DOP1B: variants seen among roughly 807,000 people sequenced by gnomAD.
The protein encoded by DOP1B is protein DOP1B.
A neutral mutation model predicts 233.5 loss-of-function variants in DOP1B; 174 were observed. The observed-to-expected ratio is 0.75, with a 90% CI of 0.66 to 0.85. The LOEUF (loss-of-function observed/expected upper bound fraction) is 0.85. Among genes scored for constraint, DOP1B ranks in the 40% least tolerant of loss-of-function variants. The pLI is 0.00. For missense variants in DOP1B, 2,652 were observed against 2,846.6 expected (o/e 0.93, Z 1.56); for synonymous variants, 1,190 against 1,185.6 (o/e 1.00, Z -0.08).
chr21:36,236,888 G>T (rs186195920), intron 15 of DOP1B, among the ~76,000 whole-genome samples: 6 of 147,966 alleles, frequency 4.1e-5, no homozygotes, highest in Admixed American at 3.5e-4. Flanking sequence ...GGATTCAAGT[G>T]ATTCTCCTGC....
chr21:36,209,163 C>T lies in DOP1B; in HGVS notation c.681+259C>T, dbSNP rs560855259. Reference sequence around the variant, plus strand: ...TTGAGACGGAGTCTCGCTCTGTCGCCGAGGCTGGGGTGCAGTGGCACAACC... The same window carrying T: ...TTGAGACGGAGTCTCGCTCTGTCGCTGAGGCTGGGGTGCAGTGGCACAACC... On this transcript the variant is annotated intron_variant, in intron 5 of 36. Transcript: ENST00000691173. Among the ~76,000 whole-genome samples, 10 of 152,256 alleles carry T rather than the reference C, an allele frequency of 6.6e-5. No homozygotes were observed. In the South Asian group the frequency reaches 1.0e-3, roughly 16 times the overall value.
chr21:36,212,901 C>T (rs2066516232), intron 7 of DOP1B, among the ~76,000 whole-genome samples: 1 of 152,196 alleles, frequency 6.6e-6, no homozygotes, highest in Non-Finnish European at 1.5e-5. Context: ...CCTGCCTCAG[C>T]CTCCCAAGTA....
At chr21:36,220,792 G>A (rs761344559) in intron 10 of DOP1B, among the ~76,000 whole-genome samples, 1 of 150,190 alleles carries the variant, frequency 6.7e-6, no homozygotes. Flanking sequence ...GGTGTGAGCC[G>A]CCATGCCTGG....
rs750730233 is a variant in DOP1B at position 36,200,505 on chromosome 21, C to A, written c.491+4C>A. ...AGGGCTCCGAGATCTCCGACAGGTG[C>A]GTGGGCGTCTTGTCCAGGCTGTGTT... is the stretch of plus-strand genomic sequence containing the variant. On this transcript the variant is annotated splice_donor_region_variant and intron_variant, in intron 4 of 36. Transcript: ENST00000691173. 6 of 1,600,136 alleles carry A rather than the reference C, an allele frequency of 3.7e-6. No homozygotes were observed. The East Asian group carries it at 1.3e-4, about 36-fold the overall frequency.
At chr21:36,176,903 C>T (rs1297378631) in intron 2 of DOP1B, among the ~76,000 whole-genome samples, 1 of 152,150 alleles carries the variant, frequency 6.6e-6, no homozygotes, top group Non-Finnish European at 1.5e-5. Flanking sequence ...ACTACAACCT[C>T]CACCTCCCAG....
chr21:36,211,617 T>C lies in DOP1B; in HGVS notation c.746T>C (p.Ile249Thr), dbSNP rs752546271. Residue 249 changes from isoleucine (I) to threonine (T), a missense_variant, in exon 6 of 37, where the codon ATC becomes ACC. Around this residue, in one of 3 missense-constraint regions of DOP1B, gnomAD observed 2,617 missense variants for 2,794.3 expected, o/e 0.94. Coordinates refer to ENST00000691173, the MANE Select transcript of DOP1B (RefSeq NM_001320714.2). ...NVLVQRNNLE[I>T]VLFFFPFYTC... ...CTTGTGCAAAGAAATAATCTGGAAA[T>C]CGTTCTGTTTTTCTTCCCATTTTAT... The C allele has an allele frequency of 4.3e-6, 7 of 1,614,044 alleles. No homozygotes were observed. The highest frequency in any genetic ancestry group is 2.7e-5 in the African/African-American group (2 of 74,920).
intron 23 of DOP1B, among the ~76,000 whole-genome samples, chr21:36,257,037 T>C (rs2067106137): frequency 6.6e-6 from 1 of 152,178 alleles, no homozygotes; most frequent in South Asian, 2.1e-4. Flanking sequence ...CTGACTAGCT[T>C]CAAGTTGGGA....
chr21:36,266,104 AC>A (rs2067227729), intron 26 of DOP1B, among the ~76,000 whole-genome samples: 6 of 152,046 alleles, frequency 3.9e-5, no homozygotes. Context: ...CTCACTACCC[AC>A]CCCTTGGGTT....
intron 15 of DOP1B, 73 bp downstream of exon 15, chr21:36,233,148 G>A (rs893901273): frequency 1.3e-6 from 2 of 1,529,150 alleles, no homozygotes; most frequent in Admixed American, 4.1e-5. Context: ...CGTATTGCTG[G>A]GGATGGGGGC....
At chr21:36,268,308 G>C (rs571069766) in intron 26 of DOP1B, among the ~76,000 whole-genome samples, 107 of 152,218 alleles carry the variant, frequency 7.0e-4, no homozygotes, top group African/African-American at 2.5e-3. Context: ...TTCCCTACTT[G>C]CACGTCTGTT....
In DOP1B at chr21:36,220,045, C is replaced by T. The variant is rs1045067071; in HGVS notation, c.1250+553C>T. ...GAAGACAGCGGGCACATTGGCCTCA[C>T]GTGCGCAGTTACACACAAACCCTGT... On this transcript the variant is annotated intron_variant, in intron 10 of 36. Coordinates refer to ENST00000691173, the MANE Select transcript of DOP1B (RefSeq NM_001320714.2). Among the ~76,000 whole-genome samples, 9 of 152,150 alleles carry T rather than the reference C, an allele frequency of 5.9e-5. No individual in the cohort carries two copies. The East Asian group carries it at 1.2e-3, about 20-fold the overall frequency.
chr21:36,219,617 C>A, intron 10 of DOP1B, 125 bp downstream of exon 10: 1 of 1,348,912 alleles, frequency 7.4e-7, no homozygotes, highest in Non-Finnish European at 1.0e-6. Flanking sequence ...CAGGTGAGAC[C>A]ATTGGTGAAA....
At position 36,230,872 on chromosome 21, in the gene DOP1B, G is replaced by A. The variant is rs778870465; in HGVS notation, c.2088G>A (p.Leu696=). Residue 696 remains leucine (L), a synonymous_variant, in exon 14 of 37, where the codon CTG becomes CTA. Transcript: ENST00000691173. Reference sequence around the variant, plus strand: ...CTGTGCCTCAGTTCAAGCAGATGCTGTCAGACTTGTTCACAGCACGAGGGT... The same window carrying A: ...CTGTGCCTCAGTTCAAGCAGATGCTATCAGACTTGTTCACAGCACGAGGGT... ...PITVPQFKQM[L]SDLFTARGSP... is the part of the protein sequence containing the mutation. 4 of 1,614,014 alleles carry A rather than the reference G, an allele frequency of 2.5e-6. No homozygotes were observed. In the South Asian group the frequency reaches 3.3e-5, roughly 13 times the overall value.
chr21:36,277,586 T>A (rs2067367071), intron 28 of DOP1B, among the ~76,000 whole-genome samples: 1 of 151,978 alleles, frequency 6.6e-6, no homozygotes, highest in African/African-American at 2.4e-5. Flanking sequence ...CAGCCATAAC[T>A]GCTTTTCTTA....
intron 24 of DOP1B, among the ~76,000 whole-genome samples, chr21:36,263,094 C>T (rs1415066821): frequency 6.6e-6 from 1 of 151,804 alleles, no homozygotes; most frequent in Non-Finnish European, 1.5e-5. Flanking sequence ...ATTAGCCGAG[C>T]GTGGTGGCAC....
At chr21:36,288,856 A>T in intron 34 of DOP1B, 45 bp downstream of exon 34, 1 of 1,532,784 alleles carries the variant, frequency 6.5e-7, no homozygotes, top group Non-Finnish European at 9.0e-7. Context: ...GATAGTCACG[A>T]TTAAAGCACG....
intron 2 of DOP1B, among the ~76,000 whole-genome samples, chr21:36,190,421 G>A (rs1432695420): frequency 4.7e-5 from 7 of 150,250 alleles, no homozygotes; most frequent in Non-Finnish European, 8.9e-5. Flanking sequence ...TTTTCGAGAT[G>A]GAGTCTCGCT....
rs1446340922 is a variant in DOP1B, at chr21:36,278,008, A to C, written c.5746A>C (p.Ser1916Arg). 1 of 1,614,132 alleles carries C rather than the reference A, an allele frequency of 6.2e-7. No homozygotes were observed. Among genetic ancestry groups the C allele is most frequent in the African/African-American group, 1.3e-5 (1 of 75,032 alleles). ...TTCCCTCCTGGACATGGTTTATCGA[A>C]GTGATGAGAAGGAGAAAGCTGTGCC... ...LASLLDMVYR[S>R]DEKEKAVPLI... is the part of the protein sequence containing the mutation. Residue 1916 changes from serine to arginine, a missense_variant, in exon 29 of 37, where the codon AGT becomes CGT. Around this residue, in one of 3 missense-constraint regions of DOP1B, gnomAD observed 2,617 missense variants for 2,794.3 expected, o/e 0.94. Coordinates refer to ENST00000691173, the MANE Select transcript of DOP1B (RefSeq NM_001320714.2).
chr21:36,260,970 T>C, intron 24 of DOP1B: 1 of 1,258,382 alleles, frequency 7.9e-7, no homozygotes. Context: ...CGAAGCTTTA[T>C]GTGAGGCCTG....
Sources: allele counts gnomAD v4.1 joint callset (sites outside exome capture counted in the v4.1 genomes callset), GRCh38; gene constraint gnomAD v4.1.1; regional missense constraint gnomAD v4.1.1; transcripts MANE v1.5; gene names NCBI Gene and HGNC (gene_info 2026-07-23, HGNC 2026-07-21).